Variants in PCDH15 observed in about 807,000 individuals in gnomAD.
PCDH15 encodes the protein protocadherin related 15.
A neutral mutation model predicts 178.5 loss-of-function variants in PCDH15; 129 were observed. The ratio of observed to expected loss-of-function variants is 0.72; its 90% CI spans 0.63 to 0.84. The LOEUF (loss-of-function observed/expected upper bound fraction) is 0.84, where lower values mean the gene tolerates loss of function less well. Among genes scored for constraint, PCDH15 ranks in the 40% least tolerant of loss-of-function variants. PCDH15 has a pLI of 0.00. For synonymous variants in PCDH15, 800 were observed against 732.0 expected (o/e 1.09, Z -1.50); for missense variants, 2,230 against 2,099.9 (o/e 1.06, Z -1.21).
At chr10:54,229,699 C>T (rs544302134) in intron 9 of PCDH15, among the ~76,000 whole-genome samples, 1 of 152,188 alleles carries the variant, frequency 6.6e-6, no homozygotes, top group Non-Finnish European at 1.5e-5. Flanking sequence ...CGTTCACCTT[C>T]CGCCATGATT....
chr10:54,296,461 C>T (rs754726709), intron 8 of PCDH15, among the ~76,000 whole-genome samples: 1 of 152,106 alleles, frequency 6.6e-6, no homozygotes, highest in Non-Finnish European at 1.5e-5. Flanking sequence ...CCTCCTGGGT[C>T]CTCATGCCTG....
intron 21 of PCDH15, among the ~76,000 whole-genome samples, chr10:53,975,913 TAAGTA>T (rs1328428422): frequency 6.6e-6 from 1 of 152,188 alleles, no homozygotes; most frequent in Non-Finnish European, 1.5e-5. Context: ...GTCTTAAATA[TAAGTA>T]ATTTATTCAT....
chr10:55,139,422 G>T (rs1838288709), intron 2 of PCDH15, among the ~76,000 whole-genome samples: 2 of 151,938 alleles, frequency 1.3e-5, no homozygotes, highest in Non-Finnish European at 2.9e-5. Context: ...TTGTATTTTA[G>T]ATATAAGTCC....
intron 2 of PCDH15, among the ~76,000 whole-genome samples, chr10:55,041,340 T>C (rs752987593): frequency 6.6e-6 from 1 of 152,262 alleles, no homozygotes; most frequent in South Asian, 2.1e-4. Context: ...TCTACATCCT[T>C]TAAGGAAATT....
chr10:55,463,488 A>C (rs903606191), intron 2 of PCDH15, among the ~76,000 whole-genome samples: 28 of 152,074 alleles, frequency 1.8e-4, no homozygotes, highest in Admixed American at 3.3e-4. Flanking sequence ...TCTATAAAAA[A>C]AAATAATAAA....
chr10:53,828,626 C>A (rs1030130214), intron 30 of PCDH15, 53 bp from the exon 31 acceptor site: 24 of 1,356,170 alleles, frequency 1.8e-5, no homozygotes, highest in Non-Finnish European at 2.4e-5. Context: ...AGAACTATTG[C>A]ATTAATAACA....
At chr10:53,965,201 G>A (rs919596000) in intron 21 of PCDH15, among the ~76,000 whole-genome samples, 4 of 151,828 alleles carry the variant, frequency 2.6e-5, no homozygotes, top group Non-Finnish European at 4.4e-5. Context: ...GGGACTACAC[G>A]AGCCCGCCAC....
chr10:54,214,107 C>A, intron 9 of PCDH15, 59 bp from the exon 10 acceptor site: 1 of 934,278 alleles, frequency 1.1e-6, no homozygotes, highest in Non-Finnish European at 1.8e-6. Flanking sequence ...TGTGTATCTG[C>A]TTTTTCTATT....
rs11004476 is a variant in PCDH15 at position 54,718,757 on chromosome 10, T to A, written c.-28-54467A>T. Among the ~76,000 whole-genome samples the A allele has an allele frequency of 9.2e-3, 1,286 of 139,398 alleles. 20 individuals are homozygous for A. Among genetic ancestry groups the A allele is most frequent in the East Asian group, 0.059 (261 of 4,440 alleles). The allele number at this position is 139,398 out of a possible 152,430, so 91.5% of individuals were successfully genotyped here. A position where few individuals can be genotyped will look rare whatever the true frequency, so the allele number is the denominator to read the frequency against. The stretch of plus-strand genomic sequence containing the variant: ...CCCAAGCTGGAATGCAGTGGTACAA[T>A]CTCGGCTCACTGCAACCTCCACCTC... On this transcript the variant is annotated intron_variant, in intron 1 of 37. Transcript: ENST00000644397.
At chr10:54,922,277 C>CT (rs1286521707) in intron 2 of PCDH15, among the ~76,000 whole-genome samples, 3 of 152,202 alleles carry the variant, frequency 2.0e-5, no homozygotes, top group Non-Finnish European at 2.9e-5. Context: ...ATCCCTTCCA[C>CT]TTATGGGCCT....
intron 3 of PCDH15, among the ~76,000 whole-genome samples, chr10:54,456,565 G>T (rs2076835800): frequency 6.6e-6 from 1 of 152,182 alleles, no homozygotes; most frequent in Admixed American, 6.5e-5. Context: ...TCTCAGATGA[G>T]ACTTTGGACT....
At chr10:54,790,782 G>A (rs981929634) in intron 1 of PCDH15, among the ~76,000 whole-genome samples, 2 of 151,528 alleles carry the variant, frequency 1.3e-5, no homozygotes, top group Non-Finnish European at 2.9e-5. Context: ...CAGCCTCTTT[G>A]AATAAAACCT....
chr10:54,155,602 T>A (rs1168535825), intron 13 of PCDH15, among the ~76,000 whole-genome samples: 1 of 151,810 alleles, frequency 6.6e-6, no homozygotes, highest in Non-Finnish European at 1.5e-5. Flanking sequence ...GTCAGAAAAA[T>A]AAGCTGAGAC....
chr10:53,818,352 G>C (rs1198569404), intron 33 of PCDH15: 3 of 176,350 alleles, frequency 1.7e-5, no homozygotes, highest in Non-Finnish European at 3.6e-5. Context: ...CATGATCTCT[G>C]TTATACACAA....
intron 16 of PCDH15, among the ~76,000 whole-genome samples, chr10:54,085,219 T>G (rs1354645743): frequency 6.6e-6 from 1 of 152,016 alleles, no homozygotes; most frequent in Non-Finnish European, 1.5e-5. Flanking sequence ...AAAATATAAT[T>G]GAGCATTACA....
At chr10:55,186,127 A>C (rs1232387823) in intron 1 of PCDH15, among the ~76,000 whole-genome samples, 2 of 151,632 alleles carry the variant, frequency 1.3e-5, no homozygotes, top group Non-Finnish European at 3.0e-5. Context: ...TTGAGTAAAT[A>C]AATTAAAATT....
chr10:54,201,472 C>T (rs1175670241), intron 10 of PCDH15, among the ~76,000 whole-genome samples: 1 of 151,818 alleles, frequency 6.6e-6, no homozygotes. Context: ...TTCCACTGTT[C>T]TATGCTATTG....
At chr10:54,815,189 G>C (rs1952929569) in intron 3 of PCDH15, among the ~76,000 whole-genome samples, 2 of 151,202 alleles carry the variant, frequency 1.3e-5, no homozygotes, top group East Asian at 1.9e-4. Context: ...CTCACAAACT[G>C]TGTCACCTAA....
chr10:54,940,812 T>C lies in PCDH15; in HGVS notation c.-79-43312A>G, dbSNP rs529932243. 2.6e-5 allele frequency among the ~76,000 whole-genome samples: 4 copies of C among 152,234 alleles called. No individual in the cohort carries two copies. The East Asian group carries it at 7.7e-4, about 29-fold the overall frequency. ...ATCTGCGGTAATTAAAAAAAAACTT[T>C]TTATAGTCTATAGTTTATTACTAAT... On this transcript the variant is annotated intron_variant, in intron 2 of 5. Coordinates refer to the PCDH15 transcript ENST00000458638.
Sources: allele counts gnomAD v4.1 joint callset (sites outside exome capture counted in the v4.1 genomes callset), GRCh38; gene constraint gnomAD v4.1.1; transcripts MANE v1.5; gene names NCBI Gene and HGNC (gene_info 2026-07-23, HGNC 2026-07-21).